KLHDC4: variants seen among roughly 807,000 people sequenced by gnomAD.
KLHDC4 encodes the protein kelch domain containing 4.
In KLHDC4, 90 loss-of-function variants were observed where a neutral mutation model predicts 62.4. That is an observed-to-expected ratio of 1.44 (90% CI 1.22 to 1.72). KLHDC4 has a LOEUF of 1.72. Among genes scored for constraint, KLHDC4 ranks in the 40% most tolerant of loss-of-function variants. KLHDC4 has a pLI of 0.00. For synonymous variants in KLHDC4, 386 were observed against 284.4 expected (o/e 1.36, Z -3.59); for missense variants, 1,025 against 699.7 (o/e 1.47, Z -5.25).
At chr16:87,701,809 A>G in exon 1 of KLHDC4, 1 of 456,734 alleles carries the variant, frequency 2.2e-6, no homozygotes, top group Non-Finnish European at 4.4e-6. Context: ...CCCATGGGAC[A>G]GAGGCCTCCA....
chr16:87,705,927 G>T (rs945965156), downstream of KLHDC4, among the ~76,000 whole-genome samples: 2 of 152,236 alleles, frequency 1.3e-5, no homozygotes, highest in Non-Finnish European at 2.9e-5. Flanking sequence ...TGCCCAGACC[G>T]GCCGCCAAAG....
intron 4 of KLHDC4, among the ~76,000 whole-genome samples, chr16:87,752,577 C>T (rs917704314): frequency 1.3e-5 from 2 of 151,976 alleles, no homozygotes; most frequent in East Asian, 1.9e-4. Flanking sequence ...CCTTGTGATT[C>T]GCCCATCCCG....
At chr16:87,720,500 C>T (rs2038063677) in intron 7 of KLHDC4, among the ~76,000 whole-genome samples, 1 of 152,224 alleles carries the variant, frequency 6.6e-6, no homozygotes, top group African/African-American at 2.4e-5. Context: ...GCACCGTGCC[C>T]TCCTCACCAC....
At chr16:87,730,717 A>T in intron 5 of KLHDC4, 73 bp from the exon 6 acceptor site, 3 of 1,291,480 alleles carry the variant, frequency 2.3e-6, no homozygotes, top group Non-Finnish European at 3.3e-6. Context: ...ACAACAACAA[A>T]CAAAATCCAA....
intron 7 of KLHDC4, among the ~76,000 whole-genome samples, chr16:87,720,303 C>G (rs2038013654): frequency 6.6e-6 from 1 of 152,198 alleles, no homozygotes; most frequent in African/African-American, 2.4e-5. Context: ...ACCGAAATCA[C>G]AATCAGGCAG....
intron 3 of KLHDC4, chr16:87,756,178 C>G (rs1009336597): frequency 2.4e-6 from 1 of 423,288 alleles, no homozygotes; most frequent in African/African-American, 2.0e-5. Context: ...GGGCCTCAGC[C>G]TAAGTCCCAG....
Position 87,762,599 on chromosome 16 carries a change from A to C in KLHDC4, c.100-559T>G, listed in dbSNP as rs1408885701. Among the ~76,000 whole-genome samples the C allele has an allele frequency of 4.6e-5, 7 of 152,352 alleles. No homozygotes were observed. The East Asian group carries it at 1.2e-3, about 25-fold the overall frequency. ...AATAATAAAATATGAGCTCCACCAG[A>C]GCAAGACTTGTGTCTAGTTAAAACA... On this transcript the variant is annotated intron_variant, in intron 1 of 11. Coordinates refer to ENST00000270583, the MANE Select transcript of KLHDC4 (RefSeq NM_017566.4).
chr16:87,765,029 TC>T (rs1288356817), intron 1 of KLHDC4: 3 of 432,680 alleles, frequency 6.9e-6, no homozygotes, highest in African/African-American at 6.1e-5. Context: ...CTGTTGGTCT[TC>T]CTGTCAAATG....
intron 4 of KLHDC4, among the ~76,000 whole-genome samples, chr16:87,753,110 G>C (rs974168898): frequency 2.6e-5 from 4 of 152,200 alleles, no homozygotes; most frequent in Non-Finnish European, 4.4e-5. Context: ...TGGAGTTCAG[G>C]GACGCAGAGG....
At position 87,709,577 on chromosome 16, in the gene KLHDC4, G is replaced by A; in HGVS notation, c.1135C>T (p.Gln379Ter). ...SRPACGGAGT[Q>*]GPVQLVKEVV... ...TCCTTGACCAGCTGCACAGGCCCCTGGGTGCCAGCTCCCCCACACGCCGGC... is the reference window on the plus strand; with the variant it reads ...TCCTTGACCAGCTGCACAGGCCCCTAGGTGCCAGCTCCCCCACACGCCGGC... The change falls in exon 10 of 12, where the codon CAG (glutamine) becomes TAG (stop). Residue 379 changes from glutamine to a stop codon, truncating the protein, a stop_gained. Coordinates refer to ENST00000270583, the MANE Select transcript of KLHDC4 (RefSeq NM_017566.4). LOFTEE classifies it high-confidence loss of function. 1 of 1,613,000 alleles carries A rather than the reference G, an allele frequency of 6.2e-7. No homozygotes were observed. Among genetic ancestry groups the A allele is most frequent in the African/African-American group, 1.3e-5 (1 of 75,050 alleles).
At chr16:87,764,444 G>C (rs2046311091) in intron 1 of KLHDC4, among the ~76,000 whole-genome samples, 1 of 151,940 alleles carries the variant, frequency 6.6e-6, no homozygotes, top group South Asian at 2.1e-4. Flanking sequence ...GAGGTCAGGA[G>C]TCCCAGACCA....
chr16:87,748,393 G>A (rs1307617349), intron 5 of KLHDC4, among the ~76,000 whole-genome samples: 1 of 152,214 alleles, frequency 6.6e-6, no homozygotes, highest in Non-Finnish European at 1.5e-5. Flanking sequence ...GACCACAGGA[G>A]AAGAGCTGCA....
At chr16:87,724,302 T>C (rs2038958265) in intron 7 of KLHDC4, among the ~76,000 whole-genome samples, 1 of 152,220 alleles carries the variant, frequency 6.6e-6, no homozygotes, top group African/African-American at 2.4e-5. Context: ...AAAATCTTTG[T>C]TACTGAAGCT....
intron 2 of KLHDC4, among the ~76,000 whole-genome samples, chr16:87,759,122 A>AT (rs2045476023): frequency 6.6e-6 from 1 of 152,210 alleles, no homozygotes; most frequent in African/African-American, 2.4e-5. Context: ...CGGTGAGCCG[A>AT]TATCATACCA....
At chr16:87,748,631 A>G in intron 5 of KLHDC4, 42 bp downstream of exon 5, 2 of 1,612,250 alleles carry the variant, frequency 1.2e-6, no homozygotes, top group South Asian at 2.2e-5. Flanking sequence ...ACAAGCACAG[A>G]AGAGCCATGC....
intron 9 of KLHDC4, 114 bp from the exon 10 acceptor site, chr16:87,709,781 G>C: frequency 7.9e-7 from 1 of 1,269,184 alleles, no homozygotes; most frequent in Non-Finnish European, 1.1e-6. Flanking sequence ...AGCGTGGGGA[G>C]TGTGTGACCC....
At chr16:87,746,940 C>A (rs1178869959) in intron 5 of KLHDC4, among the ~76,000 whole-genome samples, 1 of 152,202 alleles carries the variant, frequency 6.6e-6, no homozygotes, top group African/African-American at 2.4e-5. Flanking sequence ...ACGGATGTCC[C>A]GCGTACGACC....
At chr16:87,734,675 G>A (rs146877992) in intron 5 of KLHDC4, among the ~76,000 whole-genome samples, 20 of 152,322 alleles carry the variant, frequency 1.3e-4, no homozygotes, top group African/African-American at 4.8e-4. Context: ...CCAACCCGGA[G>A]TTGGCATGAG....
chr16:87,764,255 T>C (rs960223432), intron 1 of KLHDC4, among the ~76,000 whole-genome samples: 9 of 152,186 alleles, frequency 5.9e-5, no homozygotes, highest in African/African-American at 2.2e-4. Context: ...TCAGATAACA[T>C]ACAAACCCCA....
Sources: gnomAD v4.1 joint callset for allele counts (sites outside exome capture counted in the v4.1 genomes callset) on GRCh38, gnomAD v4.1.1 for gene constraint, MANE v1.5 for transcripts, NCBI Gene and HGNC (gene_info 2026-07-23, HGNC 2026-07-21) for gene names.